The following PUM3 variants were observed in gnomAD, a reference collection of about 807,000 sequenced individuals.
PUM3 encodes pumilio RNA binding family member 3.
PUM3 carries 91 observed loss-of-function variants against 84.0 expected under a neutral mutation model. That is an observed-to-expected ratio of 1.08 (90% CI 0.91 to 1.29). The LOEUF is 1.29. PUM3 is among the 50% of genes most tolerant of loss of function. The pLI, the probability that PUM3 is intolerant of heterozygous loss-of-function variation, is 0.00. For synonymous variants in PUM3, 321 were observed against 266.7 expected (o/e 1.20, Z -1.98); for missense variants, 1,067 against 767.5 (o/e 1.39, Z -4.61).
intron 1 of PUM3, among the ~76,000 whole-genome samples, chr9:2,839,749 TA>T (rs1774301401): frequency 6.6e-6 from 1 of 152,264 alleles, no homozygotes; most frequent in African/African-American, 2.4e-5. Flanking sequence ...ATGGCCATCA[TA>T]ACCATACCTG....
At chr9:2,809,479 A>G (rs979446816) in intron 16 of PUM3, among the ~76,000 whole-genome samples, 3 of 152,156 alleles carry the variant, frequency 2.0e-5, no homozygotes, top group African/African-American at 7.2e-5. Flanking sequence ...ATTTAGTGAA[A>G]AATAGCCCCA....
chr9:2,833,983 C>A, intron 4 of PUM3, 48 bp downstream of exon 4: 1 of 1,585,608 alleles, frequency 6.3e-7, no homozygotes, highest in Non-Finnish European at 8.6e-7. Context: ...ACACTGACTT[C>A]TCCACTGTTG....
chr9:2,810,234 C>T, intron 16 of PUM3, 110 bp downstream of exon 16: 1 of 707,748 alleles, frequency 1.4e-6, no homozygotes, highest in Non-Finnish European at 2.5e-6. Flanking sequence ...CATTTCTAGA[C>T]ACTTGGCAAA....
intron 13 of PUM3, among the ~76,000 whole-genome samples, chr9:2,815,840 G>A (rs957468737): frequency 6.6e-6 from 1 of 152,102 alleles, no homozygotes; most frequent in Non-Finnish European, 1.5e-5. Context: ...ATTCACAAAG[G>A]CCCATTTATT....
intron 17 of PUM3, among the ~76,000 whole-genome samples, 162 bp from the exon 18 acceptor site, chr9:2,804,625 T>C (rs1205873580): frequency 6.6e-6 from 1 of 152,176 alleles, no homozygotes; most frequent in Non-Finnish European, 1.5e-5. Flanking sequence ...CAGTAGCCCA[T>C]ATTATAACAC....
chr9:2,837,458 A>G (rs1816158891), intron 2 of PUM3, 57 bp from the exon 3 acceptor site: 1 of 1,127,926 alleles, frequency 8.9e-7, no homozygotes, highest in Non-Finnish European at 1.3e-6. Flanking sequence ...TCTTTTATCT[A>G]TTGGATTATA....
intron 9 of PUM3, among the ~76,000 whole-genome samples, chr9:2,827,661 C>G (rs1239452584): frequency 6.6e-6 from 1 of 152,200 alleles, no homozygotes; most frequent in Non-Finnish European, 1.5e-5. Context: ...CTTGGTGGAT[C>G]CAGGTGTACA....
At chr9:2,836,299 T>G (rs547791638) in intron 3 of PUM3, among the ~76,000 whole-genome samples, 1 of 152,284 alleles carries the variant, frequency 6.6e-6, no homozygotes, top group African/African-American at 2.4e-5. Flanking sequence ...CACGCTGTGC[T>G]GGAGAAAAAG....
chr9:2,812,774 C>T (rs1273309465), intron 13 of PUM3, among the ~76,000 whole-genome samples: 1 of 152,140 alleles, frequency 6.6e-6, no homozygotes, highest in Admixed American at 6.5e-5. Context: ...TGACCAAGCC[C>T]AAGGACTTAA....
Position 2,806,862 on chromosome 9 carries a change from T to C in PUM3, c.1814+952A>G, listed in dbSNP as rs564557045. Among the ~76,000 whole-genome samples the C allele has an allele frequency of 4.6e-5, 7 of 152,286 alleles. No homozygotes were observed. The South Asian group carries it at 1.0e-3, about 23-fold the overall frequency. The stretch of plus-strand genomic sequence containing the variant: ...AGGAAATTACATGTAGAATTAGGCA[T>C]GATTTAAAAGTCAACATTGTCACAG... On this transcript the variant is annotated intron_variant, in intron 17 of 17. Coordinates refer to ENST00000397885, the MANE Select transcript of PUM3 (RefSeq NM_014878.5).
chr9:2,809,616 T>G (rs981096206), intron 16 of PUM3, among the ~76,000 whole-genome samples: 2 of 152,074 alleles, frequency 1.3e-5, no homozygotes, highest in African/African-American at 4.8e-5. Context: ...TTTCCAGACA[T>G]TGTAATGAAA....
intron 13 of PUM3, among the ~76,000 whole-genome samples, chr9:2,817,068 C>A (rs974824292): frequency 2.6e-5 from 4 of 152,192 alleles, no homozygotes; most frequent in African/African-American, 9.7e-5. Flanking sequence ...GGCAGCCCAG[C>A]AATTCTGCTA....
intron 17 of PUM3, 28 bp from the exon 18 acceptor site, chr9:2,804,491 A>G (rs375045657): frequency 9.4e-6 from 15 of 1,603,008 alleles, no homozygotes; most frequent in East Asian, 8.9e-5. Context: ...ATTAAATTTC[A>G]TAAGCATTCC....
In PUM3 at chr9:2,824,687, G is replaced by A. The variant is rs767409507; in HGVS notation, c.1134+30C>T. On this transcript the variant is annotated intron_variant, in intron 11 of 17. Coordinates refer to ENST00000397885, the MANE Select transcript of PUM3 (RefSeq NM_014878.5). ...ATAAAGCATGGCCCTGACTTGTACA[G>A]TTTAAATGCCCAAGTGCTGTCACAC... 25 of 1,425,336 alleles carry A rather than the reference G, an allele frequency of 1.8e-5. 1 individual carries two copies. The East Asian group carries it at 5.7e-4, about 32-fold the overall frequency. The allele number at this position is 1,425,336 out of a possible 1,614,324, so 88.3% of individuals were successfully genotyped here.
At chr9:2,834,524 A>G (rs1441626510) in intron 3 of PUM3, among the ~76,000 whole-genome samples, 1 of 152,218 alleles carries the variant, frequency 6.6e-6, no homozygotes, top group African/African-American at 2.4e-5. Context: ...TTAACTTCCA[A>G]TGAAAACAAA....
rs1440459518 is a variant in PUM3, at chr9:2,829,769, G to A, written c.852+5C>T. ...ATACTAGAAAAAGACTTCTGGAGATGTCACCTTGTAAAGCTGAAATGTGTT... is the reference window on the plus strand; with the variant it reads ...ATACTAGAAAAAGACTTCTGGAGATATCACCTTGTAAAGCTGAAATGTGTT... On this transcript the variant is annotated splice_donor_5th_base_variant and intron_variant, in intron 8 of 17. Transcript: ENST00000397885. 1.9e-6 allele frequency: 3 copies of A among 1,604,286 alleles called. No individual in the cohort carries two copies. Among genetic ancestry groups the A allele is most frequent in the Non-Finnish European group, 2.6e-6 (3 of 1,173,604 alleles).
rs201647648 is a variant in PUM3, at chr9:2,837,192, C to A, written c.292G>T (p.Gly98Cys). The part of the protein sequence containing the change: ...FNKKRKFQPD[G>C]RSDESAAKKP... ...AACCAGTACTTACCATCGCTTCTAC[C>A]ATCTGGCTGGAATTTTCTCTTCTTG... The change falls in exon 3 of 18, where the codon GGT (glycine) becomes TGT (cysteine). Residue 98 changes from glycine (G) to cysteine (C), a missense_variant. Transcript: ENST00000397885. 128 of 1,613,890 alleles carry A rather than the reference C, an allele frequency of 7.9e-5. No individual in the cohort carries two copies. Among genetic ancestry groups the A allele is most frequent in the Non-Finnish European group, 8.4e-5 (99 of 1,179,886 alleles).
At chr9:2,815,965 C>G (rs1466741595) in intron 13 of PUM3, among the ~76,000 whole-genome samples, 1 of 152,194 alleles carries the variant, frequency 6.6e-6, no homozygotes, top group African/African-American at 2.4e-5. Context: ...GCGCTGAACT[C>G]CAGCTAGATA....
chr9:2,825,392 C>A (rs1218984550), intron 10 of PUM3, among the ~76,000 whole-genome samples: 2 of 152,120 alleles, frequency 1.3e-5, no homozygotes, highest in Non-Finnish European at 2.9e-5. Flanking sequence ...ATAAAATGAC[C>A]CTTTAGTAAA....
Sources: allele counts gnomAD v4.1 joint callset (sites outside exome capture counted in the v4.1 genomes callset), GRCh38; gene constraint gnomAD v4.1.1; transcripts MANE v1.5; gene names NCBI Gene and HGNC (gene_info 2026-07-23, HGNC 2026-07-21).